The following SNTG1 variants were observed in gnomAD, a reference collection of about 807,000 sequenced individuals.
SNTG1 encodes gamma-1-syntrophin.
In SNTG1, 39 loss-of-function variants were observed where a neutral mutation model predicts 74.7. The ratio of observed to expected loss-of-function variants is 0.52; its 90% CI spans 0.40 to 0.68. The LOEUF (loss-of-function observed/expected upper bound fraction) is 0.68. Among genes scored for constraint, SNTG1 ranks in the 30% least tolerant of loss-of-function variants. SNTG1 has a pLI of 0.00. For missense variants in SNTG1, 685 were observed against 609.5 expected (o/e 1.12, Z -1.30); for synonymous variants, 254 against 217.1 (o/e 1.17, Z -1.49).
At chr8:50,551,964 T>A (rs2094429924) in intron 11 of SNTG1, among the ~76,000 whole-genome samples, 1 of 152,138 alleles carries the variant, frequency 6.6e-6, no homozygotes, top group Admixed American at 6.5e-5. Flanking sequence ...GAGCCAGACA[T>A]GCTCTATGGG....
chr8:50,352,035 A>G lies in SNTG1; in HGVS notation c.-27-42177A>G, dbSNP rs573076120. ...CTTGTAATTCAGTTGAATATTAAAAAGATGGCACATGAAGCATAACCATGC... is the reference window on the plus strand; with the variant it reads ...CTTGTAATTCAGTTGAATATTAAAAGGATGGCACATGAAGCATAACCATGC... On this transcript the variant is annotated intron_variant, in intron 2 of 18. Coordinates refer to ENST00000642720, the MANE Select transcript of SNTG1 (RefSeq NM_018967.5). Among the ~76,000 whole-genome samples the G allele has an allele frequency of 8.5e-5, 13 of 152,328 alleles. 1 individual carries two copies. Among genetic ancestry groups the G allele is most frequent in the African/African-American group, 3.1e-4 (13 of 41,572 alleles).
intron 1 of SNTG1, among the ~76,000 whole-genome samples, chr8:50,124,090 T>C (rs1467473105): frequency 7.0e-6 from 1 of 142,150 alleles, no homozygotes; most frequent in Admixed American, 7.3e-5. Context: ...TTGGAGATGG[T>C]GTCTTGGAAG....
rs1408368774 is a variant in SNTG1, at chr8:50,146,589, G to A, written c.-102-25972G>A. 2.6e-5 allele frequency among the ~76,000 whole-genome samples: 4 copies of A among 152,118 alleles called. No homozygotes were observed. The East Asian group carries it at 5.8e-4, about 22-fold the overall frequency. ...CAAAGTGGGAATTCTAGGTTGAAAG[G>A]TAAGGCAGGCTTACTTATCTAAAAA... On this transcript the variant is annotated intron_variant, in intron 1 of 18. Coordinates refer to ENST00000642720, the MANE Select transcript of SNTG1 (RefSeq NM_018967.5).
At chr8:50,674,936 A>G (rs1373165684) in intron 15 of SNTG1, among the ~76,000 whole-genome samples, 1 of 151,874 alleles carries the variant, frequency 6.6e-6, no homozygotes, top group South Asian at 2.1e-4. Flanking sequence ...AGGAGTCATT[A>G]AGTAGCAGTT....
At chr8:50,389,924 T>C (rs1371253561) in intron 2 of SNTG1, among the ~76,000 whole-genome samples, 1 of 152,212 alleles carries the variant, frequency 6.6e-6, no homozygotes, top group Non-Finnish European at 1.5e-5. Flanking sequence ...CACTTGTTGA[T>C]GGGGTTGTTT....
At position 49,911,597 on chromosome 8, in the gene SNTG1, G is replaced by C. The variant is rs1188071928; in HGVS notation, c.-737G>C. 4 of 152,324 alleles carry C rather than the reference G, an allele frequency of 2.6e-5. No homozygotes were observed. The highest frequency in any genetic ancestry group is 9.7e-5 in the African/African-American group (4 of 41,436). 9.4% of individuals were successfully genotyped at this position (152,324 alleles called of 1,614,324 possible). ...AAAGAAAAAAAAAAGAACCGGAGGG[G>C]AGAAGGCTAGGGCGGAAGACAAGGA... On this transcript the variant is annotated 5_prime_UTR_variant, in exon 1 of 19. Coordinates refer to ENST00000642720, the MANE Select transcript of SNTG1 (RefSeq NM_018967.5).
chr8:50,032,767 G>T (rs752152501), intron 1 of SNTG1, among the ~76,000 whole-genome samples: 5 of 152,116 alleles, frequency 3.3e-5, no homozygotes. Flanking sequence ...TCAAAATTTG[G>T]CTAATCTTTT....
At chr8:50,508,904 T>G (rs2094036498) in intron 9 of SNTG1, among the ~76,000 whole-genome samples, 1 of 152,230 alleles carries the variant, frequency 6.6e-6, no homozygotes, top group Admixed American at 6.5e-5. Flanking sequence ...TCTTTTGCTG[T>G]GCAGAAGCTC....
At chr8:50,112,910 G>T (rs1024142971) in intron 1 of SNTG1, among the ~76,000 whole-genome samples, 8 of 152,002 alleles carry the variant, frequency 5.3e-5, no homozygotes, top group African/African-American at 1.7e-4. Context: ...TGTAAATGTG[G>T]GGTATTATTT....
chr8:50,271,758 C>T (rs1211524855), intron 2 of SNTG1, among the ~76,000 whole-genome samples: 2 of 152,124 alleles, frequency 1.3e-5, no homozygotes, highest in Non-Finnish European at 1.5e-5. Context: ...TCTGGGAATT[C>T]TCTGGGAATG....
intron 9 of SNTG1, among the ~76,000 whole-genome samples, chr8:50,528,064 A>G (rs1320196082): frequency 6.6e-6 from 1 of 152,012 alleles, no homozygotes; most frequent in African/African-American, 2.4e-5. Flanking sequence ...GTTTTTCTAT[A>G]TACACGATTG....
At position 49,935,522 on chromosome 8, in the gene SNTG1, C is replaced by CA. The variant is rs1563366811; in HGVS notation, c.-103+23291_-103+23292insA. 4.0e-3 allele frequency among the ~76,000 whole-genome samples: 480 copies of CA among 119,480 alleles called. 1 individual carries two copies. Among genetic ancestry groups the CA allele is most frequent in the African/African-American group, 0.014 (397 of 28,786 alleles). 78.4% of individuals were successfully genotyped at this position (119,480 alleles called of 152,430 possible). ...CTTCATGTGAGGAAGGAGATGTAAA[C>CA]CAAAAAAAAAAAAAAAAGAAAAAGA... On this transcript the variant is annotated intron_variant, in intron 1 of 18. Transcript: ENST00000642720.
intron 2 of SNTG1, chr8:50,286,555 G>T (rs2088796434): frequency 1.3e-5 from 2 of 152,302 alleles, no homozygotes; most frequent in East Asian, 1.9e-4. Context: ...TCCACAAATT[G>T]TTACCACATA....
Position 50,199,991 on chromosome 8 carries a change from C to A in SNTG1, c.-28+27356C>A, listed in dbSNP as rs145872317. Among the ~76,000 whole-genome samples, 159 of 141,580 alleles carry A rather than the reference C, an allele frequency of 1.1e-3. 1 individual carries two copies. Among genetic ancestry groups the A allele is most frequent in the African/African-American group, 3.9e-3 (152 of 38,976 alleles). 92.9% of individuals were successfully genotyped at this position (141,580 alleles called of 152,430 possible). On this transcript the variant is annotated intron_variant, in intron 2 of 18. Coordinates refer to ENST00000642720, the MANE Select transcript of SNTG1 (RefSeq NM_018967.5). ...AGTGCAATTAGCTATTTGTATCATT[C>A]CCCCAACAAATTGGTTTTTCTTTTG...
At chr8:50,052,049 G>A (rs1448256052) in intron 1 of SNTG1, among the ~76,000 whole-genome samples, 2 of 151,978 alleles carry the variant, frequency 1.3e-5, no homozygotes, top group Non-Finnish European at 2.9e-5. Context: ...CAGAAATTGA[G>A]AATCAGATGA....
chr8:50,268,696 G>A (rs1208895358), intron 2 of SNTG1, among the ~76,000 whole-genome samples: 1 of 149,492 alleles, frequency 6.7e-6, no homozygotes, highest in East Asian at 2.0e-4. Flanking sequence ...TCCCTCTGTT[G>A]CCCAGGCTAG....
At chr8:50,752,198 A>C in intron 18 of SNTG1, 87 bp downstream of exon 18, 2 of 629,042 alleles carry the variant, frequency 3.2e-6, no homozygotes, top group East Asian at 3.1e-5. Flanking sequence ...GGGAATCACA[A>C]GACCAAAAAC....
chr8:49,912,968 G>T (rs1474793217), intron 1 of SNTG1, among the ~76,000 whole-genome samples: 1 of 152,192 alleles, frequency 6.6e-6, no homozygotes, highest in African/African-American at 2.4e-5. Context: ...GGACCAGTAG[G>T]TTCCCGAAAA....
intron 1 of SNTG1, among the ~76,000 whole-genome samples, chr8:49,988,614 C>A (rs984567417): frequency 3.3e-5 from 5 of 151,934 alleles, no homozygotes; most frequent in African/African-American, 9.7e-5. Flanking sequence ...AGAGATTATG[C>A]AATCTGAAGA....
Sources: allele counts gnomAD v4.1 joint callset (sites outside exome capture counted in the v4.1 genomes callset), GRCh38; gene constraint gnomAD v4.1.1; transcripts MANE v1.5; gene names NCBI Gene and HGNC (gene_info 2026-07-23, HGNC 2026-07-21).